The following DSCAM variants were observed in gnomAD, a reference collection of about 807,000 sequenced individuals.
DSCAM encodes the protein cell adhesion molecule DSCAM.
Under a neutral mutation model 217.7 loss-of-function variants are expected in DSCAM, and 47 were observed. The ratio of observed to expected loss-of-function variants is 0.22; its 90% CI spans 0.17 to 0.28. The LOEUF (loss-of-function observed/expected upper bound fraction) is 0.28. Ranked by LOEUF, DSCAM falls within the 10% of genes least tolerant of loss-of-function variation. DSCAM has a pLI of 1.00. For synonymous variants in DSCAM, 1,056 were observed against 1,015.3 expected (o/e 1.04, Z -0.76); for missense variants, 2,080 against 2,618.3 (o/e 0.79, Z 4.49).
intron 21 of DSCAM, among the ~76,000 whole-genome samples, chr21:40,089,505 C>T (rs1271724475): frequency 6.6e-6 from 1 of 152,216 alleles, no homozygotes. Flanking sequence ...GGGCTTCCCC[C>T]AGGACCAGTG....
chr21:40,318,214 T>G (rs1025030958), intron 8 of DSCAM, among the ~76,000 whole-genome samples: 3 of 149,940 alleles, frequency 2.0e-5, no homozygotes, highest in Non-Finnish European at 3.0e-5. Context: ...ACGGATAGCA[T>G]TAGGAGATAT....
chr21:40,137,594 TACACACACACACACAC>T (rs3988428), intron 18 of DSCAM, among the ~76,000 whole-genome samples: 2 of 134,928 alleles, frequency 1.5e-5, no homozygotes, highest in African/African-American at 5.9e-5. Flanking sequence ...GGCTGTTTAA[TACACACACACACACAC>T]ACACACACAC....
chr21:40,295,952 T>G (rs2073949332), intron 10 of DSCAM, 103 bp downstream of exon 10: 4 of 1,384,408 alleles, frequency 2.9e-6, no homozygotes, highest in Non-Finnish European at 2.9e-6. Context: ...GAGATACGTA[T>G]CTACTTGCAA....
At chr21:40,290,422 A>G (rs1414290904) in intron 10 of DSCAM, among the ~76,000 whole-genome samples, 1 of 152,128 alleles carries the variant, frequency 6.6e-6, no homozygotes, top group African/African-American at 2.4e-5. Context: ...GGAGTTCAAG[A>G]CCAGCCTGGC....
At position 40,669,876 on chromosome 21, in the gene DSCAM, A is replaced by G. The variant is rs190303470; in HGVS notation, c.508+22934T>C. On this transcript the variant is annotated intron_variant, in intron 3 of 32. Coordinates refer to ENST00000400454, the MANE Select transcript of DSCAM (RefSeq NM_001389.5). ...ATGAGCTACTGCGCCCGACCATGTTATTATAATTTTTAAGCCTACAATATA... is the reference window on the plus strand; with the variant it reads ...ATGAGCTACTGCGCCCGACCATGTTGTTATAATTTTTAAGCCTACAATATA... Among the ~76,000 whole-genome samples the G allele has an allele frequency of 3.4e-3, 522 of 152,066 alleles. 4 individuals are homozygous for G. Among genetic ancestry groups the G allele is most frequent in the African/African-American group, 0.012 (506 of 41,484 alleles).
At chr21:40,573,996 CATAAA>C (rs59460041) in intron 3 of DSCAM, among the ~76,000 whole-genome samples, 36,180 of 151,556 alleles carry the variant, frequency 0.24, 4,995 homozygotes, top group African/African-American at 0.38. Flanking sequence ...GAAGCCTTCC[CATAAA>C]ATAAAACAAA....
rs1222922563 is a variant in DSCAM at position 40,189,191 on chromosome 21, C to T, written c.2404G>A (p.Gly802Arg). The change falls in exon 12 of 33, where the codon GGG becomes AGG. Residue 802 changes from glycine (G) to arginine (R), a missense_variant. Transcript: ENST00000400454. ...GTGCAGCTCATCTCCTTTTTCTGCC[C>T]CTGCGTGGCCAGGGTAGTATTTGGA... is the stretch of plus-strand genomic sequence containing the variant. ...SYPNTTLATQ[G>R]QKKEMSCTAH... 1 of 1,612,678 alleles carries T rather than the reference C, an allele frequency of 6.2e-7. No individual in the cohort carries two copies. The highest frequency in any genetic ancestry group is 1.7e-5 in the Admixed American group (1 of 59,696).
intron 11 of DSCAM, among the ~76,000 whole-genome samples, chr21:40,200,167 C>T (rs1019189573): frequency 3.3e-5 from 5 of 152,088 alleles, no homozygotes; most frequent in African/African-American, 1.2e-4. Context: ...ACAGGAGACT[C>T]CCCATAAAGT....
chr21:40,446,841 A>G (rs1379849138), intron 3 of DSCAM, among the ~76,000 whole-genome samples: 1 of 152,184 alleles, frequency 6.6e-6, no homozygotes, highest in Non-Finnish European at 1.5e-5. Context: ...GAAAATATAA[A>G]TCCCTATGAC....
chr21:40,531,997 C>A (rs938637571), intron 3 of DSCAM, among the ~76,000 whole-genome samples: 1 of 152,132 alleles, frequency 6.6e-6, no homozygotes. Context: ...CTCCCAGATT[C>A]CAAAGCCTCA....
At chr21:40,796,598 G>T (rs2091694084) in intron 1 of DSCAM, among the ~76,000 whole-genome samples, 1 of 152,160 alleles carries the variant, frequency 6.6e-6, no homozygotes, top group East Asian at 1.9e-4. Flanking sequence ...GGCAGGTTCT[G>T]CTGTCTCTGT....
intron 24 of DSCAM, among the ~76,000 whole-genome samples, chr21:40,081,101 G>A (rs1351345856): frequency 1.3e-5 from 2 of 152,148 alleles, no homozygotes; most frequent in African/African-American, 4.8e-5. Context: ...TGAGTCCCAA[G>A]TGCTGAAAGG....
intron 1 of DSCAM, among the ~76,000 whole-genome samples, chr21:40,803,380 T>G (rs2091759127): frequency 6.6e-6 from 1 of 152,112 alleles, no homozygotes; most frequent in African/African-American, 2.4e-5. Flanking sequence ...CCACCACAAG[T>G]CTGAGAAAAC....
intron 1 of DSCAM, among the ~76,000 whole-genome samples, chr21:40,841,949 C>T (rs940002934): frequency 6.6e-6 from 1 of 152,234 alleles, no homozygotes; most frequent in Non-Finnish European, 1.5e-5. Flanking sequence ...TGCCTTTGCC[C>T]GGTTCCTGTT....
At chr21:40,304,668 T>C (rs1435813968) in intron 9 of DSCAM, among the ~76,000 whole-genome samples, 1 of 152,174 alleles carries the variant, frequency 6.6e-6, no homozygotes, top group Non-Finnish European at 1.5e-5. Flanking sequence ...CCGGAGACTG[T>C]TGTGGGGCCA....
rs145863686 is a variant in DSCAM at position 40,084,501 on chromosome 21, A to AACACACACAC, written c.4133-505_4133-496dup. Among the ~76,000 whole-genome samples the AACACACACAC allele has an allele frequency of 9.7e-4, 134 of 137,778 alleles. 1 individual carries two copies. Among genetic ancestry groups the AACACACACAC allele is most frequent in the South Asian group, 1.4e-3 (6 of 4,406 alleles). The allele number at this position is 137,778 out of a possible 152,430, so 90.4% of individuals were successfully genotyped here. On this transcript the variant is annotated intron_variant, in intron 23 of 32. Coordinates refer to ENST00000400454, the MANE Select transcript of DSCAM (RefSeq NM_001389.5). ...TTTCTAAGCTATTGCTCCAAGATGC[A>AACACACACAC]ACACACACACACACACACACACACA...
At chr21:40,345,327 C>T (rs1160935768) in intron 6 of DSCAM, among the ~76,000 whole-genome samples, 1 of 152,072 alleles carries the variant, frequency 6.6e-6, no homozygotes, top group Non-Finnish European at 1.5e-5. Flanking sequence ...TTTGTATTCT[C>T]ACTCCCCATT....
At chr21:40,742,382 G>A (rs1035498526) in intron 1 of DSCAM, among the ~76,000 whole-genome samples, 1 of 152,152 alleles carries the variant, frequency 6.6e-6, no homozygotes, top group Non-Finnish European at 1.5e-5. Context: ...GATGGAGAAA[G>A]GGGTCAGGAG....
chr21:40,109,412 A>T (rs1286184489), intron 20 of DSCAM, among the ~76,000 whole-genome samples: 1 of 152,268 alleles, frequency 6.6e-6, no homozygotes, highest in East Asian at 1.9e-4. Context: ...ATCACTGATC[A>T]TTAGAGAAAT....
Sources: gnomAD v4.1 joint callset for allele counts (sites outside exome capture counted in the v4.1 genomes callset) on GRCh38, gnomAD v4.1.1 for gene constraint, MANE v1.5 for transcripts, NCBI Gene and HGNC (gene_info 2026-07-23, HGNC 2026-07-21) for gene names.